MYO3B: variants seen among roughly 807,000 people sequenced by gnomAD.
The protein encoded by MYO3B is myosin IIIB.
In MYO3B, 156 loss-of-function variants were observed where a neutral mutation model predicts 174.6. The observed-to-expected ratio is 0.89, with a 90% CI of 0.78 to 1.02. The LOEUF (loss-of-function observed/expected upper bound fraction) is 1.02, where lower values mean the gene tolerates loss of function less well. Ranked by LOEUF, MYO3B falls within the 50% of genes least tolerant of loss-of-function variation. The pLI, the probability that MYO3B is intolerant of heterozygous loss-of-function variation, is 0.00. For synonymous variants in MYO3B, 563 were observed against 569.1 expected, an observed-to-expected ratio of 0.99 and a Z score of 0.15; for missense variants, 1,632 against 1,639.4, an observed-to-expected ratio of 1.00 and a Z score of 0.08.
chr2:170,236,225 C>T, intron 7 of MYO3B, 89 bp downstream of exon 7: 4 of 1,536,210 alleles, frequency 2.6e-6, no homozygotes, highest in Non-Finnish European at 3.6e-6. Context: ...AGCAATTTCT[C>T]TCCAAACCTG....
chr2:170,381,913 G>A (rs1467807455), intron 9 of MYO3B, 103 bp from the exon 10 acceptor site: 1 of 946,574 alleles, frequency 1.1e-6, no homozygotes, highest in Non-Finnish European at 1.7e-6. Context: ...TGAAGTCTCT[G>A]AACATATCAC....
At chr2:170,618,131 C>G (rs1284767984) in intron 32 of MYO3B, among the ~76,000 whole-genome samples, 2 of 152,006 alleles carry the variant, frequency 1.3e-5, no homozygotes, top group Non-Finnish European at 2.9e-5. Flanking sequence ...ATACCTAAAA[C>G]CTAAAGTGAT....
intron 16 of MYO3B, among the ~76,000 whole-genome samples, chr2:170,398,927 T>C (rs1431098381): frequency 6.6e-6 from 1 of 152,116 alleles, no homozygotes; most frequent in Non-Finnish European, 1.5e-5. Context: ...GGAGGACATG[T>C]GCAGTTCCAA....
chr2:170,613,918 C>T (rs368455415), intron 32 of MYO3B, among the ~76,000 whole-genome samples: 1 of 152,188 alleles, frequency 6.6e-6, no homozygotes, highest in African/African-American at 2.4e-5. Flanking sequence ...ATTGTGGGAC[C>T]TTGTGATCAT....
intron 32 of MYO3B, among the ~76,000 whole-genome samples, chr2:170,550,789 T>C (rs1172693710): frequency 6.6e-6 from 1 of 152,234 alleles, no homozygotes; most frequent in African/African-American, 2.4e-5. Flanking sequence ...AGAACAAAGT[T>C]ACATTTACTT....
chr2:170,574,028 G>T (rs1692629724), intron 32 of MYO3B, among the ~76,000 whole-genome samples: 1 of 152,120 alleles, frequency 6.6e-6, no homozygotes, highest in Admixed American at 6.5e-5. Context: ...GGCCAAGAAA[G>T]CAAAATGACT....
At chr2:170,526,895 A>G (rs1214139385) in intron 30 of MYO3B, among the ~76,000 whole-genome samples, 3 of 152,222 alleles carry the variant, frequency 2.0e-5, no homozygotes, top group Non-Finnish European at 4.4e-5. Context: ...AGATTTCTGT[A>G]TGTCAAGAAT....
At chr2:170,452,524 T>A (rs950652462) in intron 23 of MYO3B, among the ~76,000 whole-genome samples, 3 of 152,206 alleles carry the variant, frequency 2.0e-5, no homozygotes, top group African/African-American at 7.2e-5. Flanking sequence ...GGATATCCAT[T>A]TTAATTAAGC....
chr2:170,631,138 G>A (rs1484130804), intron 32 of MYO3B, among the ~76,000 whole-genome samples: 1 of 152,066 alleles, frequency 6.6e-6, no homozygotes, highest in African/African-American at 2.4e-5. Context: ...TCGCAAAGAA[G>A]TTAAAAACCT....
intron 6 of MYO3B, among the ~76,000 whole-genome samples, chr2:170,222,104 C>T (rs1287993217): frequency 6.6e-6 from 1 of 152,114 alleles, no homozygotes; most frequent in Non-Finnish European, 1.5e-5. Flanking sequence ...GTCATGAAAA[C>T]TTCCGATTTT....
At chr2:170,315,255 C>T (rs1044354308) in intron 7 of MYO3B, among the ~76,000 whole-genome samples, 7 of 152,072 alleles carry the variant, frequency 4.6e-5, no homozygotes, top group Non-Finnish European at 7.4e-5. Flanking sequence ...ATGTGTCATA[C>T]CATGTCAGAG....
At chr2:170,188,603 G>A (rs1463283926) in intron 1 of MYO3B, among the ~76,000 whole-genome samples, 2 of 151,630 alleles carry the variant, frequency 1.3e-5, no homozygotes, top group African/African-American at 2.4e-5. Context: ...TTGATTACTT[G>A]CTTTTTATTT....
chr2:170,221,541 C>T (rs899565741), intron 6 of MYO3B, among the ~76,000 whole-genome samples: 4 of 152,070 alleles, frequency 2.6e-5, no homozygotes, highest in African/African-American at 9.7e-5. Context: ...TGTCAATACT[C>T]CCTACTCATT....
chr2:170,605,244 C>G (rs533950808), intron 32 of MYO3B, among the ~76,000 whole-genome samples: 25 of 152,312 alleles, frequency 1.6e-4, no homozygotes, highest in African/African-American at 5.3e-4. Context: ...TGGCTTTCCC[C>G]CAGCCTCATG....
chr2:170,582,744 A>G (rs1693232911), intron 32 of MYO3B, among the ~76,000 whole-genome samples: 1 of 152,196 alleles, frequency 6.6e-6, no homozygotes, highest in Non-Finnish European at 1.5e-5. Flanking sequence ...ATAAGTACTC[A>G]GCAACAGGCA....
In MYO3B at chr2:170,391,752, G is replaced by A. The variant is rs901244061; in HGVS notation, c.1676+134G>A. On this transcript the variant is annotated intron_variant, in intron 15 of 34. Transcript: ENST00000408978. ...TTAACTAAAGTGCCCAGGGTGAGGTGGCAGGAAGTATCCACCATTTTCATT... is the reference window on the plus strand; with the variant it reads ...TTAACTAAAGTGCCCAGGGTGAGGTAGCAGGAAGTATCCACCATTTTCATT... The A allele has an allele frequency of 2.1e-4, 121 of 587,596 alleles. No homozygotes were observed. The African/African-American group carries it at 2.1e-3, about 10-fold the overall frequency. 36.4% of individuals were successfully genotyped at this position (587,596 alleles called of 1,614,324 possible). A position where few individuals can be genotyped will look rare whatever the true frequency, so the allele number is the denominator to read the frequency against.
intron 24 of MYO3B, 68 bp downstream of exon 24, chr2:170,463,513 T>C: frequency 1.5e-6 from 2 of 1,362,780 alleles, no homozygotes; most frequent in South Asian, 1.2e-5. Context: ...TCTTATGAGA[T>C]GCCCAGATGG....
At chr2:170,370,021 C>T (rs1303629439) in intron 9 of MYO3B, among the ~76,000 whole-genome samples, 1 of 151,706 alleles carries the variant, frequency 6.6e-6, no homozygotes, top group Non-Finnish European at 1.5e-5. Context: ...TGTTTATTTT[C>T]AGGGGCAAGT....
chr2:170,399,478 A>C (rs1365219875), intron 16 of MYO3B, among the ~76,000 whole-genome samples: 1 of 149,788 alleles, frequency 6.7e-6, no homozygotes, highest in Non-Finnish European at 1.5e-5. Flanking sequence ...TATCTCAAAA[A>C]AAAAAAAAAA....
Sources: allele counts gnomAD v4.1 joint callset (sites outside exome capture counted in the v4.1 genomes callset), GRCh38; gene constraint gnomAD v4.1.1; transcripts MANE v1.5; gene names NCBI Gene and HGNC (gene_info 2026-07-23, HGNC 2026-07-21).